The following NFATC3 variants were observed in gnomAD, a reference collection of about 807,000 sequenced individuals.
NFATC3 encodes the protein nuclear factor of activated T cells 3.
NFATC3 carries 46 observed loss-of-function variants against 98.6 expected under a neutral mutation model. That is an observed-to-expected ratio of 0.47 (90% CI 0.37 to 0.60). The LOEUF is 0.60. Among genes scored for constraint, NFATC3 ranks in the 20% least tolerant of loss-of-function variants. The pLI, the probability that NFATC3 is intolerant of heterozygous loss-of-function variation, is 0.00. For missense variants in NFATC3, 1,256 were observed against 1,295.5 expected, an observed-to-expected ratio of 0.97 and a Z score of 0.47; for synonymous variants, 512 against 472.2, an observed-to-expected ratio of 1.08 and a Z score of -1.09.
chr16:68,202,005 A>G (rs1261992863), intron 9 of NFATC3, among the ~76,000 whole-genome samples: 2 of 150,844 alleles, frequency 1.3e-5, no homozygotes, highest in African/African-American at 4.9e-5. Flanking sequence ...TTGTGAAACT[A>G]GACTATCTTA....
At chr16:68,146,840 G>A (rs2038061309) in intron 3 of NFATC3, among the ~76,000 whole-genome samples, 1 of 152,236 alleles carries the variant, frequency 6.6e-6, no homozygotes, top group East Asian at 1.9e-4. Flanking sequence ...AGCAGAGGGT[G>A]GACTGAAGAG....
intron 8 of NFATC3, among the ~76,000 whole-genome samples, chr16:68,184,693 A>G (rs1268604073): frequency 1.3e-5 from 2 of 152,016 alleles, no homozygotes; most frequent in Non-Finnish European, 2.9e-5. Context: ...AGTCCCAGCT[A>G]CTCAGGAGGC....
chr16:68,141,861 G>T (rs2037768999), intron 3 of NFATC3, among the ~76,000 whole-genome samples: 1 of 151,798 alleles, frequency 6.6e-6, no homozygotes, highest in Admixed American at 6.6e-5. Context: ...TTGTTTTTGG[G>T]GTCTTAATCA....
rs1022849863 is a variant in NFATC3 at position 68,228,784 on chromosome 16, C to A, written c.*2313C>A. 6.6e-6 allele frequency: 1 copy of A among 152,482 alleles called. No homozygotes were observed. Among genetic ancestry groups the A allele is most frequent in the African/African-American group, 2.4e-5 (1 of 41,450 alleles). 9.4% of individuals were successfully genotyped at this position (152,482 alleles called of 1,614,324 possible). On this transcript the variant is annotated 3_prime_UTR_variant, in exon 10 of 10. Transcript: ENST00000346183. Reference sequence around the variant, plus strand: ...AACTGGGCACGTGCTAGTACGCACCCCCTCCTACTCTAACTGTGCTAGCTC... The same window carrying A: ...AACTGGGCACGTGCTAGTACGCACCACCTCCTACTCTAACTGTGCTAGCTC...
chr16:68,086,854 A>G (rs1005174272), intron 1 of NFATC3: 1 of 873,732 alleles, frequency 1.1e-6, no homozygotes, highest in Non-Finnish European at 1.4e-6. Flanking sequence ...TTTTCACTGT[A>G]GTACATAATT....
At position 68,088,156 on chromosome 16, in the gene NFATC3, A is replaced by G. The variant is rs142251884; in HGVS notation, c.103+2372A>G. ...AGTGGAAAATAAGAATAAAATGGTTAGTAGAATTCAGATCCTTGCTGGGTT... is the reference window on the plus strand; with the variant it reads ...AGTGGAAAATAAGAATAAAATGGTTGGTAGAATTCAGATCCTTGCTGGGTT... On this transcript the variant is annotated intron_variant, in intron 1 of 9. Coordinates refer to ENST00000346183, the MANE Select transcript of NFATC3 (RefSeq NM_173165.3). Among the ~76,000 whole-genome samples, 942 of 151,972 alleles carry G rather than the reference A, an allele frequency of 6.2e-3. 11 individuals carry two copies. Among genetic ancestry groups the G allele is most frequent in the African/African-American group, 0.022 (899 of 41,490 alleles).
chr16:68,111,270 G>T (rs1485224803), intron 1 of NFATC3, among the ~76,000 whole-genome samples: 1 of 152,060 alleles, frequency 6.6e-6, no homozygotes, highest in African/African-American at 2.4e-5. Flanking sequence ...TCTCTTTGTA[G>T]GTTTCTAAAA....
At chr16:68,170,259 C>T (rs993570143) in intron 5 of NFATC3, among the ~76,000 whole-genome samples, 6 of 150,722 alleles carry the variant, frequency 4.0e-5, no homozygotes, top group African/African-American at 1.2e-4. Context: ...GGCGTGGTGG[C>T]GTGTGCCTGT....
At chr16:68,099,760 A>G (rs948141377) in intron 1 of NFATC3, among the ~76,000 whole-genome samples, 4 of 152,134 alleles carry the variant, frequency 2.6e-5, no homozygotes, top group Admixed American at 6.5e-5. Context: ...GTATTATTTC[A>G]AGAAAATGTT....
At chr16:68,156,215 T>G (rs1460640968) in intron 3 of NFATC3, among the ~76,000 whole-genome samples, 1 of 152,114 alleles carries the variant, frequency 6.6e-6, no homozygotes. Context: ...CTCGGGAGGC[T>G]GAGGCAGGAG....
At chr16:68,091,445 G>T (rs938535665) in intron 1 of NFATC3, among the ~76,000 whole-genome samples, 1 of 152,144 alleles carries the variant, frequency 6.6e-6, no homozygotes, top group African/African-American at 2.4e-5. Context: ...TAAATGAAAT[G>T]GAATTGTAAG....
intron 4 of NFATC3, among the ~76,000 whole-genome samples, chr16:68,161,253 C>T (rs2038878669): frequency 1.3e-5 from 2 of 152,090 alleles, no homozygotes; most frequent in Admixed American, 1.3e-4. Flanking sequence ...TTAAAAATCA[C>T]CTTTGAACTG....
intron 9 of NFATC3, chr16:68,224,652 A>ACTG: frequency 7.1e-6 from 1 of 141,840 alleles, no homozygotes; most frequent in South Asian, 2.2e-4. Context: ...ATCTCGGCTC[A>ACTG]CTGCAACCTC....
intron 9 of NFATC3, 194 bp downstream of exon 9, chr16:68,191,969 A>G: frequency 1.7e-6 from 1 of 586,766 alleles, no homozygotes; most frequent in Non-Finnish European, 2.9e-6. Flanking sequence ...AGCACTTTGG[A>G]AGGCTGAGGC....
At chr16:68,185,764 G>A (rs551750529) in intron 8 of NFATC3, among the ~76,000 whole-genome samples, 37 of 151,388 alleles carry the variant, frequency 2.4e-4, no homozygotes, top group African/African-American at 8.7e-4. Context: ...TCGGGAGGCT[G>A]AGGCAGGAGA....
intron 9 of NFATC3, chr16:68,192,226 A>ATATATATAT (rs1372509585): frequency 6.4e-4 from 38 of 59,630 alleles, no homozygotes; most frequent in East Asian, 4.2e-3. Flanking sequence ...AAAAAAAAAA[A>ATATATATAT]AAAAATATAT....
At chr16:68,138,328 C>A (rs753096599) in intron 3 of NFATC3, among the ~76,000 whole-genome samples, 1 of 152,114 alleles carries the variant, frequency 6.6e-6, no homozygotes, top group Non-Finnish European at 1.5e-5. Flanking sequence ...TGTAAGCCAC[C>A]GTGCCTGGCC....
chr16:68,189,677 C>A (rs990800248), intron 8 of NFATC3, among the ~76,000 whole-genome samples: 1 of 152,124 alleles, frequency 6.6e-6, no homozygotes, highest in Non-Finnish European at 1.5e-5. Context: ...TCTTTAATTT[C>A]TTTCAGCAGT....
intron 9 of NFATC3, among the ~76,000 whole-genome samples, chr16:68,219,794 T>C (rs2041789159): frequency 6.6e-6 from 1 of 152,206 alleles, no homozygotes; most frequent in African/African-American, 2.4e-5. Context: ...TTTGTGTATA[T>C]GGCAGTGTGT....
Sources: gnomAD v4.1 joint callset for allele counts (sites outside exome capture counted in the v4.1 genomes callset) on GRCh38, gnomAD v4.1.1 for gene constraint, MANE v1.5 for transcripts, NCBI Gene and HGNC (gene_info 2026-07-23, HGNC 2026-07-21) for gene names.